PHACTR3: variants seen among roughly 807,000 people sequenced by gnomAD.
The protein encoded by PHACTR3 is phosphatase and actin regulator 3, also known as protein phosphatase 1, regulatory subunit 123.
In PHACTR3, 16 loss-of-function variants were observed where a neutral mutation model predicts 66.8. The ratio of observed to expected loss-of-function variants is 0.24; its 90% CI spans 0.16 to 0.36. The LOEUF (loss-of-function observed/expected upper bound fraction) is 0.36. Among genes scored for constraint, PHACTR3 ranks in the 10% least tolerant of loss-of-function variants. The probability of loss-of-function intolerance (pLI) is 1.00; values close to 1 mark genes in which losing one functional copy is unlikely to be tolerated. For synonymous variants in PHACTR3, 323 were observed against 292.1 expected (o/e 1.11, Z -1.08); for missense variants, 647 against 719.9 (o/e 0.90, Z 1.16).
chr20:59,732,839 G>A (rs998093032), intron 1 of PHACTR3, among the ~76,000 whole-genome samples: 8 of 152,158 alleles, frequency 5.3e-5, no homozygotes, highest in Non-Finnish European at 1.2e-4. Context: ...TGTGCTAGGT[G>A]CCGGAGGAGG....
intron 2 of PHACTR3, among the ~76,000 whole-genome samples, chr20:59,745,017 A>G (rs80071869): frequency 0.036 from 5,427 of 152,244 alleles, 169 homozygotes; most frequent in Non-Finnish European, 0.055. Flanking sequence ...ATGGGCTCTT[A>G]GTGATCCAGG....
chr20:59,698,173 T>C (rs527994106), intron 1 of PHACTR3, among the ~76,000 whole-genome samples: 1 of 152,144 alleles, frequency 6.6e-6, no homozygotes, highest in Non-Finnish European at 1.5e-5. Context: ...TTAAAAGTAA[T>C]GAACTAAATT....
At chr20:59,803,013 T>A (rs566483033) in intron 7 of PHACTR3, among the ~76,000 whole-genome samples, 2 of 152,254 alleles carry the variant, frequency 1.3e-5, no homozygotes, top group South Asian at 4.1e-4. Context: ...CTGGATCAGG[T>A]CCAATACAGA....
At chr20:59,617,722 C>T (rs1050704270) in intron 1 of PHACTR3, among the ~76,000 whole-genome samples, 5 of 152,202 alleles carry the variant, frequency 3.3e-5, no homozygotes, top group Non-Finnish European at 5.9e-5. Flanking sequence ...CTTCTGTCCA[C>T]AATTGAGAGT....
chr20:59,718,921 T>G (rs1463715980), intron 1 of PHACTR3, among the ~76,000 whole-genome samples: 1 of 152,206 alleles, frequency 6.6e-6, no homozygotes, highest in Non-Finnish European at 1.5e-5. Context: ...CCAGAAAGCG[T>G]CTCTGCTCCT....
At chr20:59,622,408 C>T (rs918188800) in intron 1 of PHACTR3, among the ~76,000 whole-genome samples, 3 of 152,134 alleles carry the variant, frequency 2.0e-5, no homozygotes, top group Admixed American at 6.5e-5. Flanking sequence ...GTATGAGTTC[C>T]AGATGAGGCA....
At chr20:59,731,100 A>G (rs912226870) in intron 1 of PHACTR3, among the ~76,000 whole-genome samples, 3 of 152,136 alleles carry the variant, frequency 2.0e-5, no homozygotes, top group African/African-American at 7.2e-5. Context: ...TATATAAGAA[A>G]CTCACCTTAT....
intron 7 of PHACTR3, among the ~76,000 whole-genome samples, chr20:59,781,295 G>T (rs1401309578): frequency 6.6e-6 from 1 of 152,212 alleles, no homozygotes; most frequent in Admixed American, 6.5e-5. Flanking sequence ...GGGGACCTTT[G>T]GGTTGGTCAG....
chr20:59,677,803 C>G (rs1183959228), intron 1 of PHACTR3, among the ~76,000 whole-genome samples: 1 of 152,074 alleles, frequency 6.6e-6, no homozygotes. Flanking sequence ...TGATGGTAAC[C>G]ACATACACAA....
rs570896328 is a variant in PHACTR3 at position 59,819,549 on chromosome 20, A to G, written c.1328+13355A>G. On this transcript the variant is annotated intron_variant, in intron 8 of 12. Coordinates refer to ENST00000371015, the MANE Select transcript of PHACTR3 (RefSeq NM_080672.5). ...AGACCCTGTCGTTAAAAAAAAAAAA[A>G]AAAAGAAAACAAAATGGTGGGAAGG... Among the ~76,000 whole-genome samples, 73 of 151,976 alleles carry G rather than the reference A, an allele frequency of 4.8e-4. 1 individual carries two copies. The highest frequency in any genetic ancestry group is 1.7e-3 in the African/African-American group (71 of 41,460).
intron 1 of PHACTR3, among the ~76,000 whole-genome samples, chr20:59,704,281 T>C (rs886175228): frequency 1.3e-5 from 2 of 152,222 alleles, no homozygotes; most frequent in Non-Finnish European, 2.9e-5. Context: ...AGTAGCATTC[T>C]GATTTTGCTA....
At chr20:59,607,175 T>C (rs527771060) in intron 1 of PHACTR3, among the ~76,000 whole-genome samples, 1 of 152,306 alleles carries the variant, frequency 6.6e-6, no homozygotes, top group African/African-American at 2.4e-5. Context: ...TACTTGTCTT[T>C]GGGCAGATCT....
At chr20:59,787,749 G>C (rs1211997342) in intron 7 of PHACTR3, among the ~76,000 whole-genome samples, 1 of 152,160 alleles carries the variant, frequency 6.6e-6, no homozygotes, top group East Asian at 1.9e-4. Flanking sequence ...GACAGAGCCT[G>C]ACTTTTCCAC....
intron 1 of PHACTR3, among the ~76,000 whole-genome samples, chr20:59,597,802 G>A (rs1889337186): frequency 1.3e-5 from 2 of 152,200 alleles, no homozygotes; most frequent in South Asian, 4.1e-4. Context: ...AGGGTCACAG[G>A]CTGGCTGCTG....
intron 1 of PHACTR3, among the ~76,000 whole-genome samples, chr20:59,581,333 C>T (rs1027991511): frequency 3.3e-5 from 5 of 152,244 alleles, no homozygotes; most frequent in Admixed American, 6.5e-5. Flanking sequence ...TACACATCTT[C>T]GTTTCTCTCC....
intron 1 of PHACTR3, among the ~76,000 whole-genome samples, chr20:59,588,243 T>G (rs1324152627): frequency 6.6e-6 from 1 of 152,130 alleles, no homozygotes; most frequent in Non-Finnish European, 1.5e-5. Flanking sequence ...CACAGGAAGT[T>G]TTTTCATTTA....
chr20:59,757,945 G>A (rs772798127), intron 4 of PHACTR3, among the ~76,000 whole-genome samples: 4 of 152,148 alleles, frequency 2.6e-5, no homozygotes, highest in African/African-American at 4.8e-5. Flanking sequence ...ACTCCAGTCT[G>A]GGCGACAGAG....
chr20:59,778,397 G>A (rs2040609210), intron 7 of PHACTR3, among the ~76,000 whole-genome samples: 1 of 152,060 alleles, frequency 6.6e-6, no homozygotes, highest in Admixed American at 6.5e-5. Context: ...CTCTTTGATG[G>A]TCCTCACACC....
chr20:59,624,766 T>C (rs928822930), intron 1 of PHACTR3, among the ~76,000 whole-genome samples: 1 of 152,170 alleles, frequency 6.6e-6, no homozygotes, highest in African/African-American at 2.4e-5. Context: ...AAAAAACTTG[T>C]GATGTTAATT....
Sources: gnomAD v4.1 joint callset for allele counts (sites outside exome capture counted in the v4.1 genomes callset) on GRCh38, gnomAD v4.1.1 for gene constraint, MANE v1.5 for transcripts, NCBI Gene and HGNC (gene_info 2026-07-23, HGNC 2026-07-21) for gene names.